The following RPS6KA5 variants were observed in gnomAD, a reference collection of about 807,000 sequenced individuals.
RPS6KA5 encodes ribosomal protein S6 kinase A5, also known as ribosomal protein S6 kinase alpha-5.
Under a neutral mutation model 85.5 loss-of-function variants are expected in RPS6KA5, and 27 were observed. The ratio of observed to expected loss-of-function variants is 0.32; its 90% CI spans 0.23 to 0.44. RPS6KA5 has a LOEUF of 0.44. Ranked by LOEUF, RPS6KA5 falls within the 20% of genes least tolerant of loss-of-function variation. RPS6KA5 has a pLI of 1.00. For missense variants in RPS6KA5, 811 were observed against 980.9 expected (o/e 0.83, Z 2.31); for synonymous variants, 334 against 348.2 (o/e 0.96, Z 0.46).
At chr14:90,940,813 T>G (rs1464644937) in intron 5 of RPS6KA5, among the ~76,000 whole-genome samples, 2 of 152,194 alleles carry the variant, frequency 1.3e-5, no homozygotes, top group African/African-American at 4.8e-5. Context: ...GTGGTGGCAT[T>G]AGATTCTCCT....
At chr14:90,930,729 A>AT (rs1253691273) in intron 5 of RPS6KA5, among the ~76,000 whole-genome samples, 2 of 152,216 alleles carry the variant, frequency 1.3e-5, no homozygotes, top group Non-Finnish European at 2.9e-5. Flanking sequence ...AAAGGACTCT[A>AT]ATAGACATTT....
intron 16 of RPS6KA5, among the ~76,000 whole-genome samples, chr14:90,873,176 T>C (rs1047288025): frequency 6.6e-6 from 1 of 152,208 alleles, no homozygotes; most frequent in Non-Finnish European, 1.5e-5. Flanking sequence ...CCACAGTTTC[T>C]ACCAAATAGT....
intron 1 of RPS6KA5, among the ~76,000 whole-genome samples, chr14:91,023,223 T>A (rs764511246): frequency 1.3e-5 from 2 of 152,140 alleles, no homozygotes; most frequent in Non-Finnish European, 2.9e-5. Context: ...ATGAAATTCA[T>A]TGTCTAGTAG....
intron 14 of RPS6KA5, 28 bp from the exon 15 acceptor site, chr14:90,875,388 A>G: frequency 6.2e-7 from 1 of 1,600,402 alleles, no homozygotes. Flanking sequence ...ACAAAACAGA[A>G]TGACTACCCA....
At chr14:90,978,586 G>GT in intron 2 of RPS6KA5, 62 bp from the exon 3 acceptor site, 2 of 1,272,566 alleles carry the variant, frequency 1.6e-6, no homozygotes, top group Non-Finnish European at 2.1e-6. Flanking sequence ...TGGTAATTTA[G>GT]TGCAACTAAA....
chr14:90,988,542 C>T (rs998296052), intron 2 of RPS6KA5, among the ~76,000 whole-genome samples: 1 of 152,156 alleles, frequency 6.6e-6, no homozygotes, highest in Non-Finnish European at 1.5e-5. Flanking sequence ...AGAGGCTGGG[C>T]ATGGTGGCTC....
At chr14:90,973,035 A>G (rs7150500) in intron 3 of RPS6KA5, among the ~76,000 whole-genome samples, 78,354 of 152,134 alleles carry the variant, frequency 0.52, 20,250 homozygotes, top group East Asian at 0.64. Context: ...GAGACAGGCA[A>G]ATGCCCAGAA....
chr14:90,878,121 T>C (rs1250198434), intron 14 of RPS6KA5, among the ~76,000 whole-genome samples: 1 of 152,250 alleles, frequency 6.6e-6, no homozygotes, highest in African/African-American at 2.4e-5. Flanking sequence ...TCAATACAAC[T>C]GTCCACATTG....
intron 3 of RPS6KA5, among the ~76,000 whole-genome samples, chr14:90,956,407 A>G (rs1319342708): frequency 1.3e-5 from 2 of 151,924 alleles, no homozygotes; most frequent in Non-Finnish European, 2.9e-5. Context: ...CCTTTAATCT[A>G]TTTGTACCTT....
chr14:90,899,262 C>T lies in RPS6KA5; in HGVS notation c.1473+67G>A, dbSNP rs537021681. 373 of 1,104,638 alleles carry T rather than the reference C, an allele frequency of 3.4e-4. 2 individuals are homozygous for T. The highest frequency in any genetic ancestry group is 4.4e-4 in the Non-Finnish European group (334 of 753,716). 68.4% of individuals were successfully genotyped at this position (1,104,638 alleles called of 1,614,324 possible). On this transcript the variant is annotated intron_variant, in intron 12 of 16. Transcript: ENST00000614987. The stretch of plus-strand genomic sequence containing the variant: ...CTGACCCAGCAGCACCAACAAAACG[C>T]GTGAAAAGTACAACCCTGTAAGTGA...
At chr14:90,883,486 C>T (rs528011425) in intron 14 of RPS6KA5, among the ~76,000 whole-genome samples, 5 of 152,168 alleles carry the variant, frequency 3.3e-5, no homozygotes, top group Admixed American at 3.3e-4. Flanking sequence ...ATTTTCTTTT[C>T]AGGTTTTCTA....
intron 3 of RPS6KA5, among the ~76,000 whole-genome samples, chr14:90,948,263 C>A (rs933604312): frequency 2.6e-5 from 4 of 152,186 alleles, no homozygotes; most frequent in Non-Finnish European, 4.4e-5. Context: ...TAAGATATTT[C>A]TTCATAAACG....
chr14:90,979,096 G>C (rs528214374), intron 2 of RPS6KA5, among the ~76,000 whole-genome samples: 1 of 152,340 alleles, frequency 6.6e-6, no homozygotes, highest in East Asian at 1.9e-4. Flanking sequence ...AAGCCCTTTT[G>C]TATCTCTGGG....
At chr14:90,950,007 T>A (rs1056727706) in intron 3 of RPS6KA5, among the ~76,000 whole-genome samples, 1 of 152,212 alleles carries the variant, frequency 6.6e-6, no homozygotes, top group Non-Finnish European at 1.5e-5. Flanking sequence ...CAGCAAACTC[T>A]ATGAACTTGG....
chr14:90,994,681 CCT>C (rs2040443256), intron 2 of RPS6KA5, among the ~76,000 whole-genome samples: 2 of 148,052 alleles, frequency 1.4e-5, no homozygotes, highest in South Asian at 4.3e-4. Flanking sequence ...ATGCCATTCT[CCT>C]GTCTCAGCCT....
intron 3 of RPS6KA5, among the ~76,000 whole-genome samples, chr14:90,964,946 A>AAAAC (rs10603150): frequency 2.3e-4 from 35 of 149,348 alleles, no homozygotes; most frequent in Non-Finnish European, 3.3e-4. Context: ...CCAAAAAACC[A>AAAAC]AAACAAACAA....
intron 3 of RPS6KA5, among the ~76,000 whole-genome samples, chr14:90,972,100 T>C (rs761343375): frequency 6.6e-6 from 1 of 152,178 alleles, no homozygotes; most frequent in Admixed American, 6.5e-5. Context: ...CTGAAGGTCT[T>C]AGAAGGATTT....
chr14:90,929,147 A>G (rs2036834774), intron 5 of RPS6KA5, among the ~76,000 whole-genome samples: 2 of 152,226 alleles, frequency 1.3e-5, no homozygotes, highest in South Asian at 4.1e-4. Context: ...TTTATCTACC[A>G]AAAACCTACA....
At chr14:90,968,035 T>C (rs1374325237) in intron 3 of RPS6KA5, among the ~76,000 whole-genome samples, 1 of 152,188 alleles carries the variant, frequency 6.6e-6, no homozygotes, top group Non-Finnish European at 1.5e-5. Flanking sequence ...AATTTATTAT[T>C]TTATAATTTT....
Sources: allele counts gnomAD v4.1 joint callset (sites outside exome capture counted in the v4.1 genomes callset), GRCh38; gene constraint gnomAD v4.1.1; transcripts MANE v1.5; gene names NCBI Gene and HGNC (gene_info 2026-07-23, HGNC 2026-07-21).